The following CYBRD1 variants were observed in gnomAD, a reference collection of about 807,000 sequenced individuals.
CYBRD1 encodes plasma membrane ascorbate-dependent reductase CYBRD1.
In CYBRD1, 14 loss-of-function variants were observed where a neutral mutation model predicts 21.9. That is an observed-to-expected ratio of 0.64 (90% CI 0.42 to 1.00). The LOEUF (loss-of-function observed/expected upper bound fraction) is 1.00, where lower values mean the gene tolerates loss of function less well. Among genes scored for constraint, CYBRD1 ranks in the 50% least tolerant of loss-of-function variants. The pLI is 0.00. For synonymous variants in CYBRD1, 146 were observed against 136.5 expected (o/e 1.07, Z -0.48); for missense variants, 328 against 352.5 (o/e 0.93, Z 0.56).
In CYBRD1 at chr2:171,556,685, C is replaced by G. The variant is rs1356727927; in HGVS notation, c.*1858C>G. The G allele has an allele frequency of 6.6e-6, 1 of 152,194 alleles. No homozygotes were observed. Among genetic ancestry groups the G allele is most frequent in the East Asian group, 1.9e-4 (1 of 5,192 alleles). 9.4% of individuals were successfully genotyped at this position (152,194 alleles called of 1,614,324 possible). On this transcript the variant is annotated 3_prime_UTR_variant, in exon 4 of 4. Coordinates refer to ENST00000321348, the MANE Select transcript of CYBRD1 (RefSeq NM_024843.4). ...TGCAACACTGTTCTCTTCTTCTCTA[C>G]TAAATTCTATTTCCAAAATTGGTAA...
At chr2:171,547,649 C>G (rs879155209) in intron 2 of CYBRD1, among the ~76,000 whole-genome samples, 1 of 152,030 alleles carries the variant, frequency 6.6e-6, no homozygotes, top group Admixed American at 6.6e-5. Flanking sequence ...GAATTGTTGG[C>G]TTGGGGTGAT....
chr2:171,533,054 A>G (rs1697493282), intron 1 of CYBRD1, among the ~76,000 whole-genome samples: 1 of 151,948 alleles, frequency 6.6e-6, no homozygotes, highest in Non-Finnish European at 1.5e-5. Context: ...TTTATTAGCA[A>G]TTATTCCTGT....
At chr2:171,546,659 A>G (rs1697720107) in intron 2 of CYBRD1, among the ~76,000 whole-genome samples, 1 of 152,224 alleles carries the variant, frequency 6.6e-6, no homozygotes, top group Non-Finnish European at 1.5e-5. Context: ...TAAAGCTTGC[A>G]GGGAAGATAG....
chr2:171,536,498 G>A (rs1309955541), intron 1 of CYBRD1, among the ~76,000 whole-genome samples: 1 of 152,134 alleles, frequency 6.6e-6, no homozygotes, highest in African/African-American at 2.4e-5. Context: ...TGGAGACGGG[G>A]TTTCACCATG....
chr2:171,528,202 C>T (rs1697412317), intron 1 of CYBRD1, among the ~76,000 whole-genome samples: 1 of 152,160 alleles, frequency 6.6e-6, no homozygotes, highest in Admixed American at 6.6e-5. Context: ...TCTCCTGCCT[C>T]AGCCTCCAGA....
chr2:171,524,120 C>A (rs1005262023), intron 1 of CYBRD1, among the ~76,000 whole-genome samples: 1 of 152,100 alleles, frequency 6.6e-6, no homozygotes, highest in Non-Finnish European at 1.5e-5. Flanking sequence ...CAGCATTCTC[C>A]CACTCTGGAA....
At chr2:171,536,141 T>TTC (rs1002591035) in intron 1 of CYBRD1, among the ~76,000 whole-genome samples, 1 of 147,436 alleles carries the variant, frequency 6.8e-6, no homozygotes, top group African/African-American at 2.5e-5. Flanking sequence ...CTCTTTTTTT[T>TTC]TTTTTTTTTT....
At chr2:171,545,729 CAT>C (rs1039439881) in intron 2 of CYBRD1, among the ~76,000 whole-genome samples, 1 of 151,746 alleles carries the variant, frequency 6.6e-6, no homozygotes, top group African/African-American at 2.4e-5. Context: ...ATAATCATAA[CAT>C]ATTTTTGTGG....
At chr2:171,524,359 G>T (rs995834034) in intron 1 of CYBRD1, among the ~76,000 whole-genome samples, 1 of 152,140 alleles carries the variant, frequency 6.6e-6, no homozygotes, top group Non-Finnish European at 1.5e-5. Context: ...CTTAAGTTTG[G>T]CCCCGAGCTG....
At chr2:171,523,984 C>T (rs573841893) in intron 1 of CYBRD1, among the ~76,000 whole-genome samples, 62 of 152,304 alleles carry the variant, frequency 4.1e-4, no homozygotes, top group African/African-American at 1.4e-3. Context: ...TTTTCTTCAC[C>T]AAATATTTAA....
intron 2 of CYBRD1, among the ~76,000 whole-genome samples, chr2:171,547,533 T>C (rs1156791363): frequency 6.6e-6 from 1 of 151,374 alleles, no homozygotes; most frequent in Non-Finnish European, 1.5e-5. Flanking sequence ...AGAGACACTG[T>C]GAACACTGGA....
In CYBRD1 at chr2:171,555,816, A is replaced by C. The variant is rs1296453772; in HGVS notation, c.*989A>C. On this transcript the variant is annotated 3_prime_UTR_variant, in exon 4 of 4. Coordinates refer to ENST00000321348, the MANE Select transcript of CYBRD1 (RefSeq NM_024843.4). ...CTGGGGAGGCTAGTAACTCACCCCA[A>C]GGTCACACGGCTCATACATGGTGGG... The C allele has an allele frequency of 6.6e-6, 1 of 152,160 alleles. No homozygotes were observed. Among genetic ancestry groups the C allele is most frequent in the Non-Finnish European group, 1.5e-5 (1 of 68,052 alleles). 9.4% of individuals were successfully genotyped at this position (152,160 alleles called of 1,614,324 possible).
intron 1 of CYBRD1, among the ~76,000 whole-genome samples, chr2:171,537,010 CTACT>C (rs1171145546): frequency 7.9e-5 from 12 of 152,108 alleles, no homozygotes; most frequent in Non-Finnish European, 1.5e-4. Context: ...GAGGGACAAA[CTACT>C]TAACCTCTCT....
intron 2 of CYBRD1, among the ~76,000 whole-genome samples, chr2:171,550,358 G>A (rs1697780874): frequency 6.6e-6 from 1 of 151,788 alleles, no homozygotes; most frequent in Non-Finnish European, 1.5e-5. Context: ...CTCCTGCCTC[G>A]GCCTCCCAAA....
rs547568403 is a variant in CYBRD1 at position 171,523,200 on chromosome 2, G to C, written c.193+462G>C. The C allele has an allele frequency of 1.5e-4, 55 of 361,036 alleles. No homozygotes were observed. In the Admixed American group the frequency reaches 1.6e-3, roughly 10 times the overall value. 22.4% of individuals were successfully genotyped at this position (361,036 alleles called of 1,614,324 possible). A position where few individuals can be genotyped will look rare whatever the true frequency, so the allele number is the denominator to read the frequency against. ...CGATCGGGGGCGCGGAAACACTTTCGCCTCAGCCTTTTGCTGAACTTGCTT... is the reference window on the plus strand; with the variant it reads ...CGATCGGGGGCGCGGAAACACTTTCCCCTCAGCCTTTTGCTGAACTTGCTT... On this transcript the variant is annotated intron_variant, in intron 1 of 3. Transcript: ENST00000321348.
At chr2:171,533,249 C>A (rs966776221) in intron 1 of CYBRD1, among the ~76,000 whole-genome samples, 1 of 152,128 alleles carries the variant, frequency 6.6e-6, no homozygotes, top group Admixed American at 6.6e-5. Context: ...GGTCTGTAAT[C>A]CCAGCTACTC....
intron 1 of CYBRD1, among the ~76,000 whole-genome samples, chr2:171,527,946 C>G (rs1269915260): frequency 6.6e-6 from 1 of 152,092 alleles, no homozygotes; most frequent in East Asian, 1.9e-4. Context: ...ATCTCCTGCT[C>G]CACCAAAATT....
chr2:171,546,645 C>T (rs1448286365), intron 2 of CYBRD1, among the ~76,000 whole-genome samples: 1 of 152,146 alleles, frequency 6.6e-6, no homozygotes, highest in East Asian at 1.9e-4. Flanking sequence ...GCTCTCTGCC[C>T]TTGTAAAGCT....
chr2:171,532,921 A>T (rs1210763161), intron 1 of CYBRD1, among the ~76,000 whole-genome samples: 2 of 150,538 alleles, frequency 1.3e-5, no homozygotes, highest in Non-Finnish European at 3.0e-5. Context: ...GTATGGAAAC[A>T]TGTTGTATAG....
Sources: gnomAD v4.1 joint callset for allele counts (sites outside exome capture counted in the v4.1 genomes callset) on GRCh38, gnomAD v4.1.1 for gene constraint, MANE v1.5 for transcripts, NCBI Gene and HGNC (gene_info 2026-07-23, HGNC 2026-07-21) for gene names.